The following ZNF276 variants were observed in gnomAD, a reference collection of about 807,000 sequenced individuals.
ZNF276 encodes zinc finger protein 276, also known as centromere protein Z.
Under a neutral mutation model 63.9 loss-of-function variants are expected in ZNF276, and 59 were observed. That is an observed-to-expected ratio of 0.92 (90% CI 0.75 to 1.15). ZNF276 has a LOEUF of 1.15. Among genes scored for constraint, ZNF276 ranks in the 50% most tolerant of loss-of-function variants. The probability of loss-of-function intolerance (pLI) is 0.00; values close to 1 mark genes in which losing one functional copy is unlikely to be tolerated. For synonymous variants in ZNF276, 496 were observed against 348.4 expected, an observed-to-expected ratio of 1.42 and a Z score of -4.72; for missense variants, 1,084 against 843.8, an observed-to-expected ratio of 1.28 and a Z score of -3.53.
Position 89,738,891 on chromosome 16 carries a change from G to A in ZNF276, c.*645G>A, listed in dbSNP as rs752333498. On this transcript the variant is annotated 3_prime_UTR_variant, in exon 11 of 11. Coordinates refer to ENST00000443381, the MANE Select transcript of ZNF276 (RefSeq NM_001113525.2). ...GGCATCTTGACGTTACCTCTGCCAC[G>A]TGTGAGAAGCTCTTTTTCGGGCACC... 1.4e-5 allele frequency: 22 copies of A among 1,614,252 alleles called. No individual in the cohort carries two copies. The highest frequency in any genetic ancestry group is 1.6e-4 in the Middle Eastern group (1 of 6,062).
intron 5 of ZNF276, among the ~76,000 whole-genome samples, 167 bp downstream of exon 5, chr16:89,727,524 C>G (rs1208843475): frequency 1.3e-5 from 2 of 152,166 alleles, no homozygotes; most frequent in East Asian, 3.9e-4. Flanking sequence ...CCAAACTAAG[C>G]CATCACAGGG....
intron 5 of ZNF276, among the ~76,000 whole-genome samples, chr16:89,728,918 C>T (rs2061558170): frequency 6.6e-6 from 1 of 152,216 alleles, no homozygotes; most frequent in South Asian, 2.1e-4. Flanking sequence ...TGGTCGATTT[C>T]TCAAAGTCTG....
At chr16:89,724,855 T>C (rs572447766) in intron 4 of ZNF276, among the ~76,000 whole-genome samples, 1 of 152,236 alleles carries the variant, frequency 6.6e-6, no homozygotes, top group South Asian at 2.1e-4. Context: ...CCTACTTCTT[T>C]GTCTCTCTCT....
chr16:89,740,161 G>T lies in ZNF276; in HGVS notation c.*1915G>T. The T allele has an allele frequency of 7.6e-7, 1 of 1,315,242 alleles. No homozygotes were observed. The highest frequency in any genetic ancestry group is 1.1e-6 in the Non-Finnish European group (1 of 908,584). The allele number at this position is 1,315,242 out of a possible 1,614,324, so 81.5% of individuals were successfully genotyped here. A position where few individuals can be genotyped will look rare whatever the true frequency, so the allele number is the denominator to read the frequency against. ...ACCTGGTGCTCCCATGGGTAGGAGG[G>T]TACAGCCCTCAGCACAGAAGAGGGC... is the stretch of plus-strand genomic sequence containing the variant. On this transcript the variant is annotated 3_prime_UTR_variant, in exon 11 of 11. Coordinates refer to ENST00000443381, the MANE Select transcript of ZNF276 (RefSeq NM_001113525.2).
At position 89,740,184 on chromosome 16, in the gene ZNF276, G is replaced by T. The variant is rs533678532; in HGVS notation, c.*1938G>T. Reference sequence around the variant, plus strand: ...GGGTACAGCCCTCAGCACAGAAGAGGGCATTTCCTCTTTGCTTATTGTAAG... The same window carrying T: ...GGGTACAGCCCTCAGCACAGAAGAGTGCATTTCCTCTTTGCTTATTGTAAG... On this transcript the variant is annotated 3_prime_UTR_variant, in exon 11 of 11. Transcript: ENST00000443381. The T allele has an allele frequency of 2.8e-6, 3 of 1,060,410 alleles. No homozygotes were observed. In the African/African-American group the frequency reaches 4.7e-5, roughly 16 times the overall value. 65.7% of individuals were successfully genotyped at this position (1,060,410 alleles called of 1,614,324 possible). A position where few individuals can be genotyped will look rare whatever the true frequency, so the allele number is the denominator to read the frequency against.
chr16:89,738,345 G>A lies in ZNF276; in HGVS notation c.*99G>A. 2 of 1,486,302 alleles carry A rather than the reference G, an allele frequency of 1.3e-6. No individual in the cohort carries two copies. The allele number at this position is 1,486,302 out of a possible 1,614,324, so 92.1% of individuals were successfully genotyped here. On this transcript the variant is annotated 3_prime_UTR_variant, in exon 11 of 11. Transcript: ENST00000443381. ...CACCCGCATGGGAGGGTCGGAGGGT[G>A]CTGCCCGCCCTTGGTGCTGGAGGCG... is the stretch of plus-strand genomic sequence containing the variant.
intron 9 of ZNF276, among the ~76,000 whole-genome samples, chr16:89,734,323 T>C (rs2061776450): frequency 1.9e-5 from 1 of 52,460 alleles, no homozygotes; most frequent in African/African-American, 6.1e-5. Context: ...AATTGGTCAT[T>C]TTATTTTTTA....
At chr16:89,727,550 C>T (rs1340726832) in intron 5 of ZNF276, among the ~76,000 whole-genome samples, 193 bp downstream of exon 5, 1 of 152,126 alleles carries the variant, frequency 6.6e-6, no homozygotes, top group Non-Finnish European at 1.5e-5. Flanking sequence ...CTGTCCGTGC[C>T]CTGGTTGGGA....
intron 4 of ZNF276, among the ~76,000 whole-genome samples, chr16:89,725,945 C>T (rs2061456466): frequency 1.3e-5 from 2 of 152,156 alleles, no homozygotes; most frequent in South Asian, 2.1e-4. Context: ...TCAGGCCTGG[C>T]CGAGAGAACA....
In ZNF276 at chr16:89,732,796, C is replaced by G. The variant is rs577826909; in HGVS notation, c.1170-506C>G. 42 of 229,062 alleles carry G rather than the reference C, an allele frequency of 1.8e-4. 1 individual carries two copies. Among genetic ancestry groups the G allele is most frequent in the Middle Eastern group, 1.9e-3 (1 of 536 alleles). The allele number at this position is 229,062 out of a possible 1,614,324, so 14.2% of individuals were successfully genotyped here. A position where few individuals can be genotyped will look rare whatever the true frequency, so the allele number is the denominator to read the frequency against. Reference sequence around the variant, plus strand: ...TTCACCCTGACCCTGCTGTACCCTGCGCCCTCACCCTCTGCTGTGTTCACC... The same window carrying G: ...TTCACCCTGACCCTGCTGTACCCTGGGCCCTCACCCTCTGCTGTGTTCACC... On this transcript the variant is annotated intron_variant, in intron 6 of 10. Coordinates refer to ENST00000443381, the MANE Select transcript of ZNF276 (RefSeq NM_001113525.2).
chr16:89,721,437 G>GT (rs2061266714), upstream of ZNF276: 1 of 449,580 alleles, frequency 2.2e-6, no homozygotes, highest in African/African-American at 2.1e-5. Flanking sequence ...ACGAGCGGGG[G>GT]CGCTGGCACC....
rs772589360 is a variant in ZNF276 at position 89,738,595 on chromosome 16, G to A, written c.*349G>A. 6.2e-7 allele frequency: 1 copy of A among 1,613,148 alleles called. No homozygotes were observed. The highest frequency in any genetic ancestry group is 1.1e-5 in the South Asian group (1 of 91,046). On this transcript the variant is annotated 3_prime_UTR_variant, in exon 11 of 11. Transcript: ENST00000443381. The stretch of plus-strand genomic sequence containing the variant: ...GAGCTGGGCTGGTGTGCAGTGGCAG[G>A]TCCCGTCAGAAGAGATGAGGCTCCT...
chr16:89,726,230 T>C (rs2061465849), intron 4 of ZNF276, among the ~76,000 whole-genome samples: 1 of 152,056 alleles, frequency 6.6e-6, no homozygotes, highest in Admixed American at 6.5e-5. Context: ...AGTTTCACTC[T>C]TTGTTACCCA....
intron 4 of ZNF276, among the ~76,000 whole-genome samples, chr16:89,726,880 G>A (rs1336982005): frequency 2.0e-5 from 3 of 152,092 alleles, no homozygotes; most frequent in African/African-American, 7.2e-5. Flanking sequence ...TCCTGACCTC[G>A]TGATCCACCT....
Position 89,723,263 on chromosome 16 carries a change from A to T in ZNF276, c.560A>T (p.Asp187Val). 1 of 1,613,020 alleles carries T rather than the reference A, an allele frequency of 6.2e-7. No individual in the cohort carries two copies. Among genetic ancestry groups the T allele is most frequent in the Non-Finnish European group, 8.5e-7 (1 of 1,179,942 alleles). ...CATCTCTGTTGACTCTCTGCAGTGG[A>T]TCTGATCACATCCAGCCCCCAGTGC... ...TGAEEGACLV[D>V]LITSSPQCLH... is the part of the protein sequence containing the mutation. The change falls in exon 4 of 11, where the codon GAT becomes GTT. Residue 187 changes from aspartate (D) to valine (V), a missense_variant. Physicochemically the swap from Asp to Val is radical, Grantham distance 152. Transcript: ENST00000443381.
chr16:89,721,489 T>A, upstream of ZNF276: 9 of 629,916 alleles, frequency 1.4e-5, no homozygotes, highest in Admixed American at 4.4e-5. Flanking sequence ...CCCTGGCCCC[T>A]GGCCCGCCCC....
chr16:89,734,249 A>T (rs530264622), intron 9 of ZNF276, among the ~76,000 whole-genome samples: 10 of 152,284 alleles, frequency 6.6e-5, no homozygotes, highest in Admixed American at 2.0e-4. Context: ...GGAATTCCTG[A>T]CTTCCCCAGG....
Position 89,733,361 on chromosome 16 carries a change from GGAA to G in ZNF276, c.1234_1236del (p.Lys412del). 1 of 1,614,176 alleles carries G rather than the reference GGAA, an allele frequency of 6.2e-7. No homozygotes were observed. Among genetic ancestry groups the G allele is most frequent in the Non-Finnish European group, 8.5e-7 (1 of 1,180,044 alleles). On this transcript the variant is annotated inframe_deletion, in exon 7 of 11. Transcript: ENST00000443381. ...AAGAAGTCTGAAGAACCAAGAATTCGGAAGAAGCCGGGACCCAAGCCCGGATGG... is the reference window on the plus strand; with the variant it reads ...AAGAAGTCTGAAGAACCAAGAATTCGGAAGCCGGGACCCAAGCCCGGATGG...
At chr16:89,720,643 C>G, upstream of ZNF276, 1 of 1,230,208 alleles carries the variant, frequency 8.1e-7, no homozygotes, top group South Asian at 3.0e-5. Flanking sequence ...GGCCCGGGAT[C>G]CCGGCTGGCG....
Sources: gnomAD v4.1 joint callset for allele counts (sites outside exome capture counted in the v4.1 genomes callset) on GRCh38, gnomAD v4.1.1 for gene constraint, MANE v1.5 for transcripts, NCBI Gene and HGNC (gene_info 2026-07-23, HGNC 2026-07-21) for gene names.